SPTLC1: variants seen among roughly 807,000 people sequenced by gnomAD.
SPTLC1 encodes the protein serine palmitoyltransferase long chain base subunit 1.
SPTLC1 carries 55 observed loss-of-function variants against 68.9 expected under a neutral mutation model. The ratio of observed to expected loss-of-function variants is 0.80; its 90% CI spans 0.64 to 1.00. The LOEUF (loss-of-function observed/expected upper bound fraction) is 1.00. Among genes scored for constraint, SPTLC1 ranks in the 50% least tolerant of loss-of-function variants. The pLI is 0.00. For missense variants in SPTLC1, 449 were observed against 573.1 expected (o/e 0.78, Z 2.21); for synonymous variants, 197 against 201.6 (o/e 0.98, Z 0.19).
intron 12 of SPTLC1, among the ~76,000 whole-genome samples, chr9:92,038,988 A>G (rs1200177361): frequency 1.3e-5 from 2 of 152,224 alleles, no homozygotes; most frequent in Non-Finnish European, 2.9e-5. Context: ...CAAAAACAAA[A>G]AACAAAAAAT....
chr9:92,097,643 A>G (rs1444638268), intron 3 of SPTLC1, among the ~76,000 whole-genome samples: 1 of 152,208 alleles, frequency 6.6e-6, no homozygotes, highest in Non-Finnish European at 1.5e-5. Flanking sequence ...AAGTAGATAA[A>G]TGGTTGCTAA....
chr9:92,065,561 T>TAGG (rs1419431746), intron 6 of SPTLC1, among the ~76,000 whole-genome samples: 1 of 152,012 alleles, frequency 6.6e-6, no homozygotes, highest in Non-Finnish European at 1.5e-5. Context: ...AAAGGAAGCA[T>TAGG]AGGAGTTCAC....
intron 5 of SPTLC1, among the ~76,000 whole-genome samples, chr9:92,077,876 C>T (rs1834739921): frequency 6.6e-6 from 1 of 152,126 alleles, no homozygotes; most frequent in Non-Finnish European, 1.5e-5. Context: ...TTCTTTTATA[C>T]TTACTCTTTG....
intron 14 of SPTLC1, among the ~76,000 whole-genome samples, 178 bp from the exon 15 acceptor site, chr9:92,032,736 T>G (rs1833012699): frequency 6.6e-6 from 1 of 151,558 alleles, no homozygotes; most frequent in Admixed American, 6.6e-5. Context: ...AATTAGCCAG[T>G]GTGGTGGCGG....
chr9:92,077,576 C>T (rs1044288368), intron 5 of SPTLC1, among the ~76,000 whole-genome samples: 5 of 152,080 alleles, frequency 3.3e-5, no homozygotes, highest in African/African-American at 4.8e-5. Context: ...TAAACTTACC[C>T]ACATTCCTGA....
chr9:92,081,614 C>T (rs192086607), intron 3 of SPTLC1, among the ~76,000 whole-genome samples: 8 of 152,142 alleles, frequency 5.3e-5, no homozygotes, highest in African/African-American at 9.7e-5. Context: ...TATATTCGAG[C>T]CATGAGCCAT....
intron 5 of SPTLC1, 78 bp downstream of exon 5, chr9:92,079,938 G>C: frequency 8.0e-7 from 1 of 1,256,810 alleles, no homozygotes; most frequent in Admixed American, 1.7e-5. Flanking sequence ...GTACAGGTGT[G>C]AGCCACCATG....
chr9:92,077,429 A>G (rs1485390843), intron 5 of SPTLC1, among the ~76,000 whole-genome samples: 2 of 152,098 alleles, frequency 1.3e-5, no homozygotes, highest in African/African-American at 4.8e-5. Flanking sequence ...CTGGTCGTCT[A>G]TAGTACCCCA....
chr9:92,062,159 T>C (rs917681842), intron 6 of SPTLC1, among the ~76,000 whole-genome samples: 12 of 151,922 alleles, frequency 7.9e-5, no homozygotes, highest in Non-Finnish European at 1.5e-4. Context: ...CTATGTAATA[T>C]AAAAAATAAT....
intron 3 of SPTLC1, among the ~76,000 whole-genome samples, chr9:92,081,213 A>G (rs1304230965): frequency 9.2e-5 from 14 of 152,242 alleles, no homozygotes; most frequent in Non-Finnish European, 2.1e-4. Context: ...CTAGAATTCC[A>G]AGATGAATGA....
chr9:92,065,301 G>A (rs1171881961), intron 6 of SPTLC1, among the ~76,000 whole-genome samples: 2 of 152,310 alleles, frequency 1.3e-5, no homozygotes, highest in Admixed American at 6.5e-5. Flanking sequence ...TGAAAGGAAG[G>A]AAATGAAGCA....
rs575368231 is a variant in SPTLC1, at chr9:92,046,066, A to G, written c.1082-13T>C. ...ACTGCAAAAATACCTAGATGAAAAA[A>G]ATACGTTTGAGAGTCTATTTGAAAC... is the stretch of plus-strand genomic sequence containing the variant. On this transcript the variant is annotated splice_polypyrimidine_tract_variant and intron_variant, in intron 11 of 14. Coordinates refer to ENST00000262554, the MANE Select transcript of SPTLC1 (RefSeq NM_006415.4). 6.2e-7 allele frequency: 1 copy of G among 1,609,510 alleles called. No individual in the cohort carries two copies. Among genetic ancestry groups the G allele is most frequent in the South Asian group, 1.1e-5 (1 of 90,878 alleles).
At chr9:92,081,241 C>CTTTGGT (rs1330608400) in intron 3 of SPTLC1, among the ~76,000 whole-genome samples, 16 of 152,138 alleles carry the variant, frequency 1.1e-4, no homozygotes, top group African/African-American at 3.6e-4. Context: ...ATCTTAAATG[C>CTTTGGT]TTTGGTTTTA....
intron 3 of SPTLC1, among the ~76,000 whole-genome samples, chr9:92,086,618 A>G (rs964306542): frequency 2.0e-5 from 3 of 152,234 alleles, no homozygotes; most frequent in African/African-American, 7.2e-5. Flanking sequence ...ATCAGCTGTT[A>G]GTCTGATGGG....
At chr9:92,082,027 T>C (rs997548888) in intron 3 of SPTLC1, among the ~76,000 whole-genome samples, 18 of 152,154 alleles carry the variant, frequency 1.2e-4, no homozygotes, top group African/African-American at 4.1e-4. Flanking sequence ...ATAGAGTCTG[T>C]CAGAGAGATC....
At chr9:92,104,550 A>ACCTCAGCC (rs1331679356) in intron 3 of SPTLC1, 186 of 1,447,908 alleles carry the variant, frequency 1.3e-4, no homozygotes, top group Middle Eastern at 5.2e-4. Flanking sequence ...ATGTTTGGAC[A>ACCTCAGCC]CCTCAGCCCC....
Position 92,080,894 on chromosome 9 carries a change from T to A in SPTLC1, c.330A>T (p.Gly110=). The A allele has an allele frequency of 6.2e-7, 1 of 1,614,060 alleles. No homozygotes were observed. Among genetic ancestry groups the A allele is most frequent in the Non-Finnish European group, 8.5e-7 (1 of 1,179,946 alleles). ...CINFASFNFL[G]LLDNPRVKAA... ...CCTTAACCCTAGGGTTATCCAACAATCCAAGAAAATTAAATGAGGCGAAGT... is the reference window on the plus strand; with the variant it reads ...CCTTAACCCTAGGGTTATCCAACAAACCAAGAAAATTAAATGAGGCGAAGT... The change falls in exon 4 of 15, where the codon GGA becomes GGT. Residue 110 remains glycine (G), a synonymous_variant. Transcript: ENST00000262554.
At chr9:92,045,888 TTA>T in intron 12 of SPTLC1, 109 bp downstream of exon 12, 1 of 954,306 alleles carries the variant, frequency 1.0e-6, no homozygotes, top group Non-Finnish European at 1.6e-6. Flanking sequence ...TTTTGGTTTC[TTA>T]GCTGCAATCT....
At chr9:92,086,898 G>A (rs2118719463) in intron 3 of SPTLC1, among the ~76,000 whole-genome samples, 1 of 152,262 alleles carries the variant, frequency 6.6e-6, no homozygotes, top group South Asian at 2.1e-4. Context: ...CGTAGATTTG[G>A]TCTTTTCACA....
Sources: allele counts gnomAD v4.1 joint callset (sites outside exome capture counted in the v4.1 genomes callset), GRCh38; gene constraint gnomAD v4.1.1; transcripts MANE v1.5; gene names NCBI Gene and HGNC (gene_info 2026-07-23, HGNC 2026-07-21).